Variants in ZSCAN25 observed in about 807,000 individuals in gnomAD.
The protein encoded by ZSCAN25 is zinc finger and SCAN domain-containing protein 25.
ZSCAN25 carries 27 observed loss-of-function variants against 38.7 expected under a neutral mutation model. That is an observed-to-expected ratio of 0.70 (90% CI 0.51 to 0.96). The LOEUF (loss-of-function observed/expected upper bound fraction) is 0.96, where lower values mean the gene tolerates loss of function less well. Ranked by LOEUF, ZSCAN25 falls within the 40% of genes least tolerant of loss-of-function variation. The pLI is 0.00. For missense variants in ZSCAN25, 637 were observed against 705.9 expected (o/e 0.90, Z 1.11); for synonymous variants, 273 against 277.7 (o/e 0.98, Z 0.17).
chr7:99,666,564 T>C, the ZSCAN25 span: 1 of 1,603,572 alleles, frequency 6.2e-7, no homozygotes, highest in Non-Finnish European at 8.5e-7. Context: ...GAAGGGCTCA[T>C]GACAGCTCAG....
the ZSCAN25 span, chr7:99,714,528 C>G: frequency 1.1e-5 from 17 of 1,610,622 alleles, no homozygotes; most frequent in African/African-American, 2.0e-4. Context: ...AACTAAACAT[C>G]CTCCTATAAC....
At chr7:99,716,884 A>T in the ZSCAN25 span, among the ~76,000 whole-genome samples, 1 of 152,150 alleles carries the variant, frequency 6.6e-6, no homozygotes, top group South Asian at 2.1e-4. Flanking sequence ...CTTTGATACA[A>T]TCACACTTTT....
chr7:99,736,050 C>A, the ZSCAN25 span, among the ~76,000 whole-genome samples: 56 of 152,302 alleles, frequency 3.7e-4, no homozygotes, highest in African/African-American at 1.2e-3. Flanking sequence ...AAAAAAGAGA[C>A]ATGGCATGGA....
the ZSCAN25 span, chr7:99,730,911 C>G: frequency 9.2e-7 from 1 of 1,081,714 alleles, no homozygotes; most frequent in African/African-American, 1.6e-5. Context: ...CCAGGGTAAA[C>G]TTTGCCACGC....
chr7:99,663,235 T>G, the ZSCAN25 span: 1 of 1,055,086 alleles, frequency 9.5e-7, no homozygotes, highest in East Asian at 8.3e-5. Flanking sequence ...TCTTTTATTC[T>G]TCTACCTTTT....
the ZSCAN25 span, chr7:99,677,205 C>A: frequency 4.1e-6 from 4 of 985,282 alleles, no homozygotes; most frequent in African/African-American, 5.2e-5. Flanking sequence ...TCCTTGCAGA[C>A]CTTCCCCCTC....
chr7:99,736,929 T>C, the ZSCAN25 span, among the ~76,000 whole-genome samples: 1 of 152,062 alleles, frequency 6.6e-6, no homozygotes, highest in Non-Finnish European at 1.5e-5. Flanking sequence ...CAAATAAACA[T>C]GCTTGGATGG....
chr7:99,723,711 G>A, the ZSCAN25 span, among the ~76,000 whole-genome samples: 23 of 152,200 alleles, frequency 1.5e-4, no homozygotes, highest in African/African-American at 5.5e-4. Flanking sequence ...ATTTTAAATC[G>A]GGTAAGCGGC....
At chr7:99,736,873 G>T in the ZSCAN25 span, among the ~76,000 whole-genome samples, 1 of 152,124 alleles carries the variant, frequency 6.6e-6, no homozygotes, top group Non-Finnish European at 1.5e-5. Context: ...CCAGGTATGT[G>T]CCGGGAGCCA....
At chr7:99,658,682 A>G in the ZSCAN25 span, among the ~76,000 whole-genome samples, 1 of 152,200 alleles carries the variant, frequency 6.6e-6, no homozygotes, top group Admixed American at 6.5e-5. Flanking sequence ...AGTGTTTTCC[A>G]ACTTCGTTCT....
the ZSCAN25 span, among the ~76,000 whole-genome samples, chr7:99,678,494 T>A: frequency 6.6e-6 from 1 of 152,210 alleles, no homozygotes; most frequent in Non-Finnish European, 1.5e-5. Context: ...ACAGGTATAT[T>A]TGAAAAGACG....
chr7:99,699,269 C>T, the ZSCAN25 span, among the ~76,000 whole-genome samples: 2 of 152,168 alleles, frequency 1.3e-5, no homozygotes, highest in East Asian at 1.9e-4. Flanking sequence ...AAAACTTCCT[C>T]CAAGTCTCCT....
At chr7:99,632,999 T>TTTTTTTTTTTTTTTTTTTTTTTTTTTTTG (rs1243598154), downstream of ZSCAN25, among the ~76,000 whole-genome samples, 1 of 150,884 alleles carries the variant, frequency 6.6e-6, no homozygotes, top group East Asian at 2.0e-4. Context: ...GTTTTTTTTT[T>TTTTTTTTTTTTTTTTTTTTTTTTTTTTTG]TTTTGAGCTG....
the ZSCAN25 span, chr7:99,695,839 T>G: frequency 6.2e-7 from 1 of 1,613,308 alleles, no homozygotes; most frequent in South Asian, 1.1e-5. Context: ...GGGCTCCATA[T>G]CTACAAACTG....
At chr7:99,658,420 A>T in the ZSCAN25 span, among the ~76,000 whole-genome samples, 1 of 152,180 alleles carries the variant, frequency 6.6e-6, no homozygotes, top group Admixed American at 6.5e-5. Context: ...CCCACTCTCT[A>T]CTGGCTTGTA....
At chr7:99,646,542 AT>A in the ZSCAN25 span, among the ~76,000 whole-genome samples, 1 of 152,200 alleles carries the variant, frequency 6.6e-6, no homozygotes, top group Non-Finnish European at 1.5e-5. Context: ...TGGAAATATC[AT>A]TTAGAAATCA....
At chr7:99,700,967 T>TA in the ZSCAN25 span, among the ~76,000 whole-genome samples, 2 of 152,214 alleles carry the variant, frequency 1.3e-5, no homozygotes, top group African/African-American at 2.4e-5. Context: ...GAAGGTAACA[T>TA]ACATGAAGAG....
At chr7:99,736,812 T>C in the ZSCAN25 span, among the ~76,000 whole-genome samples, 2 of 152,150 alleles carry the variant, frequency 1.3e-5, no homozygotes, top group Non-Finnish European at 2.9e-5. Flanking sequence ...TCATGCCAGA[T>C]TCCTTGTCAG....
the ZSCAN25 span, among the ~76,000 whole-genome samples, chr7:99,658,028 T>A: frequency 6.6e-6 from 1 of 152,210 alleles, no homozygotes; most frequent in Non-Finnish European, 1.5e-5. Context: ...GGGTCTTGAC[T>A]CTATCCAGTT....
Sources: allele counts gnomAD v4.1 joint callset (sites outside exome capture counted in the v4.1 genomes callset), GRCh38; gene constraint gnomAD v4.1.1; transcripts MANE v1.5; gene names NCBI Gene and HGNC (gene_info 2026-07-23, HGNC 2026-07-21).